SNU13: variants seen among roughly 807,000 people sequenced by gnomAD.
SNU13 encodes small nuclear ribonucleoprotein 13.
In SNU13, 2 loss-of-function variants were observed where a neutral mutation model predicts 12.4. That is an observed-to-expected ratio of 0.16 (90% CI 0.07 to 0.51). The LOEUF is 0.51. SNU13 is among the 20% of genes least tolerant of loss of function. The pLI is 0.96. For missense variants in SNU13, 66 were observed against 157.8 expected (o/e 0.42, Z 3.12); for synonymous variants, 68 against 66.5 (o/e 1.02, Z -0.11).
intron 1 of SNU13, chr22:41,682,490 C>G: frequency 2.5e-6 from 4 of 1,574,692 alleles, no homozygotes; most frequent in Non-Finnish European, 3.4e-6. Context: ...GCCACTGCCG[C>G]CAGCGGAAGT....
upstream of SNU13, chr22:41,689,091 G>C: frequency 8.8e-7 from 1 of 1,137,050 alleles, no homozygotes; most frequent in Non-Finnish European, 1.1e-6. Context: ...GCCGGCCGCA[G>C]CGGCTTATGG....
At chr22:41,685,431 G>A (rs1231790273) in intron 1 of SNU13, among the ~76,000 whole-genome samples, 3 of 151,898 alleles carry the variant, frequency 2.0e-5, no homozygotes, top group Admixed American at 6.6e-5. Context: ...TCGGCTCACC[G>A]CAACTTCTGC....
intron 2 of SNU13, among the ~76,000 whole-genome samples, chr22:41,677,762 C>T (rs976338580): frequency 3.7e-4 from 57 of 152,072 alleles, no homozygotes; most frequent in African/African-American, 1.3e-3. Flanking sequence ...CCTAGTACCT[C>T]TCATCCCCAC....
intron 2 of SNU13, among the ~76,000 whole-genome samples, chr22:41,676,591 GTTATGCTGGGT>G (rs2068216564): frequency 6.6e-6 from 1 of 151,220 alleles, no homozygotes; most frequent in Admixed American, 6.6e-5. Flanking sequence ...AACTTCAGGA[GTTATGCTGGGT>G]TTGAATTGAA....
intron 2 of SNU13, among the ~76,000 whole-genome samples, chr22:41,677,857 C>A (rs1026486965): frequency 1.3e-5 from 2 of 152,116 alleles, no homozygotes; most frequent in African/African-American, 4.8e-5. Context: ...TTTCCAACAC[C>A]CTCATCTATT....
At chr22:41,688,067 G>A (rs906345791) in intron 1 of SNU13, 13 of 152,194 alleles carry the variant, frequency 8.5e-5, no homozygotes, top group African/African-American at 2.9e-4. Context: ...AAACTACTAC[G>A]CCAGGACACA....
chr22:41,683,129 T>C (rs748096218), intron 1 of SNU13, among the ~76,000 whole-genome samples: 1 of 152,194 alleles, frequency 6.6e-6, no homozygotes, highest in Admixed American at 6.5e-5. Flanking sequence ...CCAGAGCAGC[T>C]GGTACTACAG....
chr22:41,677,979 CTTT>C (rs1260598847), intron 2 of SNU13, among the ~76,000 whole-genome samples: 2 of 143,804 alleles, frequency 1.4e-5, no homozygotes, highest in Admixed American at 7.0e-5. Flanking sequence ...TTACAGCATT[CTTT>C]TTTTTTTTTT....
chr22:41,676,291 C>G (rs558889382), intron 2 of SNU13, among the ~76,000 whole-genome samples: 1 of 152,276 alleles, frequency 6.6e-6, no homozygotes, highest in Non-Finnish European at 1.5e-5. Context: ...TGCGTACTCT[C>G]CTGACTGCTT....
chr22:41,688,888 A>T, upstream of SNU13: 2 of 1,496,226 alleles, frequency 1.3e-6, no homozygotes, highest in South Asian at 1.2e-5. Flanking sequence ...CAGAAGCAGC[A>T]GCGGAAATGG....
intron 2 of SNU13, 27 bp from the exon 3 acceptor site, chr22:41,675,222 T>C (rs764015030): frequency 1.7e-5 from 28 of 1,606,968 alleles, no homozygotes; most frequent in African/African-American, 2.7e-5. Flanking sequence ...GTGAAGCTAA[T>C]AGGTGATGTG....
Position 41,675,201 on chromosome 22 carries a change from G to A in SNU13, c.125-6C>T, listed in dbSNP as rs1375139986. 15 of 1,612,076 alleles carry A rather than the reference G, an allele frequency of 9.3e-6. No individual in the cohort carries two copies. The highest frequency in any genetic ancestry group is 1.3e-5 in the Non-Finnish European group (15 of 1,179,814). On this transcript the variant is annotated splice_polypyrimidine_tract_variant and splice_region_variant and intron_variant, in intron 2 of 2. Coordinates refer to ENST00000401959, the MANE Select transcript of SNU13 (RefSeq NM_001003796.2). Reference sequence around the variant, plus strand: ...CCTGTTGAGGGTTTTGGTGGCTGCGGAGAGAAGGACGTGAAGCTAATAGGT... The same window carrying A: ...CCTGTTGAGGGTTTTGGTGGCTGCGAAGAGAAGGACGTGAAGCTAATAGGT...
intron 1 of SNU13, among the ~76,000 whole-genome samples, chr22:41,686,898 TACA>T (rs1264935047): frequency 1.3e-5 from 2 of 151,930 alleles, no homozygotes; most frequent in African/African-American, 4.8e-5. Flanking sequence ...GTGCTGGGAT[TACA>T]GGCGTGAGCC....
At chr22:41,688,877 A>C (rs1022425119), upstream of SNU13, 1 of 1,506,776 alleles carries the variant, frequency 6.6e-7, no homozygotes, top group Non-Finnish European at 9.0e-7. Flanking sequence ...GGAAAAACTC[A>C]CAGAAGCAGC....
intron 1 of SNU13, chr22:41,682,280 C>T: frequency 6.8e-7 from 1 of 1,476,162 alleles, no homozygotes. Context: ...GCTTTTCTGA[C>T]ACAGCGGGAC....
In SNU13 at chr22:41,675,073, C is replaced by T; in HGVS notation, c.247G>A (p.Val83Met). ...CTCCCCAGGGCCTGCTTGGAGCGCA[C>T]AAACACGTAGGGCACATTCTTGTCT... ...CEDKNVPYVF[V>M]RSKQALGRAC... is the part of the protein sequence containing the mutation. Residue 83 changes from valine (V) to methionine (M), a missense_variant, in exon 3 of 3, where the codon GTG becomes ATG. Transcript: ENST00000401959. The T allele has an allele frequency of 6.2e-7, 1 of 1,614,210 alleles. No homozygotes were observed. The highest frequency in any genetic ancestry group is 8.5e-7 in the Non-Finnish European group (1 of 1,180,038).
chr22:41,678,779 G>GA (rs1211961122), intron 2 of SNU13, among the ~76,000 whole-genome samples: 2 of 152,206 alleles, frequency 1.3e-5, no homozygotes, highest in Admixed American at 1.3e-4. Flanking sequence ...GAGCAGGGAG[G>GA]AAAGAGCACT....
At position 41,682,443 on chromosome 22, in the gene SNU13, G is replaced by A. The variant is rs1326451392; in HGVS notation, c.4-2079C>T. ...GACGGTCTGCTGCCCAGCACCGCAA[G>A]GACACGGATGCCCCGCCCCCAAGAG... On this transcript the variant is annotated intron_variant, in intron 1 of 2. Coordinates refer to ENST00000401959, the MANE Select transcript of SNU13 (RefSeq NM_001003796.2). 7.5e-6 allele frequency: 12 copies of A among 1,609,276 alleles called. No homozygotes were observed. In the East Asian group the frequency reaches 2.0e-4, roughly 27 times the overall value.
intron 1 of SNU13, among the ~76,000 whole-genome samples, chr22:41,683,591 A>G (rs1406801885): frequency 6.6e-6 from 1 of 152,186 alleles, no homozygotes; most frequent in Non-Finnish European, 1.5e-5. Flanking sequence ...TATAATGTCT[A>G]ATCTCATCTA....
Sources: allele counts gnomAD v4.1 joint callset (sites outside exome capture counted in the v4.1 genomes callset), GRCh38; gene constraint gnomAD v4.1.1; transcripts MANE v1.5; gene names NCBI Gene and HGNC (gene_info 2026-07-23, HGNC 2026-07-21).